The following GRM7 variants were observed in gnomAD, a reference collection of about 807,000 sequenced individuals.
The protein encoded by GRM7 is glutamate metabotropic receptor 7.
In GRM7, 35 loss-of-function variants were observed where a neutral mutation model predicts 84.5. That is an observed-to-expected ratio of 0.41 (90% CI 0.32 to 0.55). The LOEUF (loss-of-function observed/expected upper bound fraction) is 0.55. Among genes scored for constraint, GRM7 ranks in the 20% least tolerant of loss-of-function variants. The probability of loss-of-function intolerance (pLI) is 0.19; values close to 1 mark genes in which losing one functional copy is unlikely to be tolerated. For synonymous variants in GRM7, 487 were observed against 455.1 expected, an observed-to-expected ratio of 1.07 and a Z score of -0.89; for missense variants, 1,003 against 1,194.6, an observed-to-expected ratio of 0.84 and a Z score of 2.36.
At chr3:7,622,618 T>C (rs1425502199) in intron 8 of GRM7, among the ~76,000 whole-genome samples, 3 of 151,992 alleles carry the variant, frequency 2.0e-5, no homozygotes, top group Non-Finnish European at 4.4e-5. Context: ...CAAGCAGGGA[T>C]GGAGCTGAAA....
chr3:7,730,152 C>CAT (rs1702266059), intron 9 of GRM7, among the ~76,000 whole-genome samples: 7 of 151,424 alleles, frequency 4.6e-5, no homozygotes, highest in Admixed American at 3.9e-4. Flanking sequence ...GGATTACAGG[C>CAT]GCCCACCACC....
intron 4 of GRM7, among the ~76,000 whole-genome samples, chr3:7,356,562 C>A (rs534288829): frequency 6.6e-6 from 1 of 152,172 alleles, no homozygotes; most frequent in South Asian, 2.1e-4. Context: ...TTCAGCCTCC[C>A]AAAGTGCTAG....
chr3:7,292,479 C>A (rs1459416597), intron 2 of GRM7, among the ~76,000 whole-genome samples: 1 of 152,112 alleles, frequency 6.6e-6, no homozygotes, highest in Non-Finnish European at 1.5e-5. Context: ...AGTTATTTAA[C>A]TTCAGAATGC....
At chr3:7,068,003 C>G (rs1381735197) in intron 1 of GRM7, among the ~76,000 whole-genome samples, 1 of 151,956 alleles carries the variant, frequency 6.6e-6, no homozygotes, top group Admixed American at 6.6e-5. Flanking sequence ...AACTGCCATC[C>G]TGTAATGTAG....
intron 1 of GRM7, among the ~76,000 whole-genome samples, chr3:7,123,445 C>A (rs891603630): frequency 6.6e-6 from 1 of 152,024 alleles, no homozygotes; most frequent in Admixed American, 6.6e-5. Context: ...GTGGTGAAAC[C>A]CCGTCTCTAC....
At chr3:7,713,795 CTTTTTTTTTTTT>C (rs60007117) in intron 9 of GRM7, among the ~76,000 whole-genome samples, 3 of 64,744 alleles carry the variant, frequency 4.6e-5, no homozygotes, top group Admixed American at 4.8e-4. Flanking sequence ...CGGATGCTTT[CTTTTTTTTTTTT>C]TTTTTTTTTT....
At chr3:7,729,776 G>A (rs1702246862) in intron 9 of GRM7, among the ~76,000 whole-genome samples, 1 of 151,926 alleles carries the variant, frequency 6.6e-6, no homozygotes, top group Non-Finnish European at 1.5e-5. Context: ...CGCAATCTCG[G>A]CTCACTGCAA....
At chr3:7,076,104 A>C (rs1279567961) in intron 1 of GRM7, among the ~76,000 whole-genome samples, 5 of 152,180 alleles carry the variant, frequency 3.3e-5, no homozygotes, top group African/African-American at 1.2e-4. Flanking sequence ...TCTGCTGGGC[A>C]TGGGGAGAGT....
intron 1 of GRM7, among the ~76,000 whole-genome samples, chr3:6,876,736 G>A (rs1695319480): frequency 6.6e-6 from 1 of 151,562 alleles, no homozygotes; most frequent in Non-Finnish European, 1.5e-5. Flanking sequence ...GGAGAAGCTG[G>A]GATTATAGGC....
chr3:7,151,757 A>G lies in GRM7; in HGVS notation c.736+5089A>G, dbSNP rs1336628059. 6.6e-6 allele frequency among the ~76,000 whole-genome samples: 1 copy of G among 152,152 alleles called. No individual in the cohort carries two copies. Among genetic ancestry groups the G allele is most frequent in the Non-Finnish European group, 1.5e-5 (1 of 68,030 alleles). ...ATATGTAATTTTGCTAGAAGGCCAT[A>G]AAATACTACATCCTAGATCTGCTTG... is the stretch of plus-strand genomic sequence containing the variant. On this transcript the variant is annotated intron_variant, in intron 2 of 9. Transcript: ENST00000357716. This position sits in a 1 kb window ranked among gnomAD's most constrained non-coding sequence, Gnocchi z 4.5.
At chr3:7,643,677 G>C (rs1308006202) in intron 8 of GRM7, among the ~76,000 whole-genome samples, 1 of 151,832 alleles carries the variant, frequency 6.6e-6, no homozygotes, top group East Asian at 1.9e-4. Context: ...TGTGTGGCAG[G>C]GGTCAGAGAC....
chr3:7,686,260 A>G (rs866602674), intron 9 of GRM7: 2 of 625,060 alleles, frequency 3.2e-6, no homozygotes, highest in South Asian at 4.3e-5. Context: ...TATGGTCTCT[A>G]TCGCAGCCTT....
At chr3:7,582,965 T>C (rs967803847) in intron 8 of GRM7, among the ~76,000 whole-genome samples, 3 of 152,204 alleles carry the variant, frequency 2.0e-5, no homozygotes, top group Admixed American at 6.5e-5. Context: ...GCCTTACTAC[T>C]TTCTTCCCAT....
chr3:7,295,570 A>G (rs1438226771), intron 2 of GRM7, among the ~76,000 whole-genome samples: 3 of 152,218 alleles, frequency 2.0e-5, no homozygotes, highest in Non-Finnish European at 4.4e-5. Context: ...CATTGAATCT[A>G]TAGATAGATT....
At chr3:7,572,303 T>G (rs1345907227) in intron 7 of GRM7, among the ~76,000 whole-genome samples, 1 of 152,188 alleles carries the variant, frequency 6.6e-6, no homozygotes, top group African/African-American at 2.4e-5. Flanking sequence ...CCTCAGAGAT[T>G]GTGATTTAAT....
intron 7 of GRM7, among the ~76,000 whole-genome samples, chr3:7,481,527 G>A (rs1699127784): frequency 1.3e-5 from 2 of 152,206 alleles, no homozygotes; most frequent in Admixed American, 1.3e-4. Context: ...TGACTATTAG[G>A]CCTGAAGCAA....
At chr3:7,459,831 G>T (rs907728296) in intron 6 of GRM7, among the ~76,000 whole-genome samples, 1 of 152,068 alleles carries the variant, frequency 6.6e-6, no homozygotes. Flanking sequence ...AACTTGAAGA[G>T]TGTGTGAGTA....
intron 1 of GRM7, among the ~76,000 whole-genome samples, chr3:7,005,753 T>G (rs183319877): frequency 2.6e-5 from 4 of 152,280 alleles, no homozygotes; most frequent in Admixed American, 6.5e-5. Flanking sequence ...GCACCGAAAA[T>G]GACATCAAGT....
intron 5 of GRM7, among the ~76,000 whole-genome samples, chr3:7,434,437 T>C (rs1696959397): frequency 6.6e-6 from 1 of 152,202 alleles, no homozygotes. Flanking sequence ...CAAATGTTTA[T>C]AGACTTTCTG....
Sources: allele counts gnomAD v4.1 joint callset (sites outside exome capture counted in the v4.1 genomes callset), GRCh38; gene constraint gnomAD v4.1.1; non-coding constraint Gnocchi (gnomAD v3.1); transcripts MANE v1.5; gene names NCBI Gene and HGNC (gene_info 2026-07-23, HGNC 2026-07-21).